ZNF805: variants seen among roughly 807,000 people sequenced by gnomAD.
ZNF805 encodes the protein CTC-444N24.8.
Under a neutral mutation model 13.6 loss-of-function variants are expected in ZNF805, and 7 were observed. The observed-to-expected ratio is 0.51, with a 90% CI of 0.29 to 0.97. The LOEUF is 0.97. Among genes scored for constraint, ZNF805 ranks in the 50% least tolerant of loss-of-function variants. The probability of loss-of-function intolerance (pLI) is 0.08; values close to 1 mark genes in which losing one functional copy is unlikely to be tolerated. For missense variants in ZNF805, 604 were observed against 771.0 expected (o/e 0.78, Z 2.57); for synonymous variants, 293 against 279.8 (o/e 1.05, Z -0.47).
chr19:57,253,783 A>C lies in ZNF805; in HGVS notation c.964A>C (p.Lys322Gln). 6.2e-7 allele frequency: 1 copy of C among 1,614,072 alleles called. No homozygotes were observed. Among genetic ancestry groups the C allele is most frequent in the Non-Finnish European group, 8.5e-7 (1 of 1,180,018 alleles). The change falls in exon 4 of 4, where the codon AAA becomes CAA. Residue 322 changes from lysine to glutamine, a missense_variant. Physicochemically the swap from Lys to Gln is moderately conservative, Grantham distance 53 (BLOSUM62 1). Transcript: ENST00000414468. This position sits in a 1 kb window ranked among gnomAD's most constrained non-coding sequence, Gnocchi z 4.4. ...EKPFVCKECG[K>Q]AFRDRPGFIR... is the part of the protein sequence containing the mutation. ...ACCCTTTGTGTGCAAAGAGTGTGGC[A>C]AAGCCTTTCGAGATAGGCCAGGTTT...
chr19:57,252,929 T>TCC, intron 3 of ZNF805, 144 bp from the exon 4 acceptor site: 1 of 658,620 alleles, frequency 1.5e-6, no homozygotes, highest in Non-Finnish European at 2.2e-6. Context: ...AAGAAACAAA[T>TCC]TATAGATCTG....
At position 57,258,784 on chromosome 19, in the gene ZNF805, T is replaced by C. The variant is rs191367984; in HGVS notation, c.*4081T>C. 2.0e-4 allele frequency among the ~76,000 whole-genome samples: 30 copies of C among 152,336 alleles called. No individual in the cohort carries two copies. The highest frequency in any genetic ancestry group is 1.9e-3 in the Admixed American group (29 of 15,306). On this transcript the variant is annotated 3_prime_UTR_variant, in exon 4 of 4. Coordinates refer to ENST00000414468, the MANE Select transcript of ZNF805 (RefSeq NM_001023563.4). ...TTGTTGATCTCTTTACCCATTCCAC[T>C]ATTCTTTCTTGAAATTCTAAGCCAC...
chr19:57,244,851 C>T (rs968823703), intron 2 of ZNF805, among the ~76,000 whole-genome samples: 2 of 152,186 alleles, frequency 1.3e-5, no homozygotes, highest in African/African-American at 4.8e-5. Flanking sequence ...TCTCTGGCCT[C>T]TGTGGGGCGT....
At chr19:57,245,704 A>T (rs2361125) in intron 2 of ZNF805, among the ~76,000 whole-genome samples, 1 of 150,442 alleles carries the variant, frequency 6.6e-6, no homozygotes, top group East Asian at 2.0e-4. Flanking sequence ...GCGTGAACCC[A>T]GGAGGCGGAG....
rs1189116781 is a variant in ZNF805 at position 57,242,183 on chromosome 19, T to G, written c.30+1262T>G. On this transcript the variant is annotated intron_variant, in intron 1 of 3. Transcript: ENST00000414468. ...TTACCTGCTGAAAGTCACATAGCACTTAAGTAACAAACTCATATTTAGCGT... is the reference window on the plus strand; with the variant it reads ...TTACCTGCTGAAAGTCACATAGCACGTAAGTAACAAACTCATATTTAGCGT... 3.3e-5 allele frequency among the ~76,000 whole-genome samples: 5 copies of G among 152,374 alleles called. No homozygotes were observed. In the East Asian group the frequency reaches 9.6e-4, roughly 29 times the overall value.
At position 57,253,534 on chromosome 19, in the gene ZNF805, A is replaced by G; in HGVS notation, c.715A>G (p.Thr239Ala). 6.2e-7 allele frequency: 1 copy of G among 1,612,814 alleles called. No homozygotes were observed. Among genetic ancestry groups the G allele is most frequent in the Non-Finnish European group, 8.5e-7 (1 of 1,179,410 alleles). Residue 239 changes from threonine (T) to alanine (A), a missense_variant, in exon 4 of 4, where the codon ACC becomes GCC. By Grantham distance (58) the Thr-to-Ala change is moderately conservative. Transcript: ENST00000414468. The surrounding 1 kb of genome is among the most constrained non-coding windows in gnomAD (Gnocchi z 4.4). ...KPYECTECGK[T>A]FSKSTYLLQH... is the part of the protein sequence containing the mutation. Reference sequence around the variant, plus strand: ...CTATGAATGCACAGAGTGTGGAAAAACCTTTAGCAAGAGTACATACCTCCT... The same window carrying G: ...CTATGAATGCACAGAGTGTGGAAAAGCCTTTAGCAAGAGTACATACCTCCT...
rs1385949472 is a variant in ZNF805 at position 57,255,410 on chromosome 19, T to A, written c.*707T>A. Among the ~76,000 whole-genome samples the A allele has an allele frequency of 1.3e-5, 2 of 152,190 alleles. No homozygotes were observed. The highest frequency in any genetic ancestry group is 2.9e-5 in the Non-Finnish European group (2 of 67,996). ...GTTTTTCAAATATTCTTGCTTGGAT[T>A]TTGATAGAAATTGAGTTAAATCTAT... On this transcript the variant is annotated 3_prime_UTR_variant, in exon 4 of 4. Coordinates refer to ENST00000414468, the MANE Select transcript of ZNF805 (RefSeq NM_001023563.4).
At chr19:57,245,605 CT>C (rs1402076809) in intron 2 of ZNF805, among the ~76,000 whole-genome samples, 22 of 148,696 alleles carry the variant, frequency 1.5e-4, no homozygotes, top group Middle Eastern at 3.5e-3. Flanking sequence ...CGGTGCAACC[CT>C]GTCTCTACTA....
rs1372141659 is a variant in ZNF805, at chr19:57,258,605, C to T, written c.*3902C>T. Among the ~76,000 whole-genome samples, 1 of 140,516 alleles carries T rather than the reference C, an allele frequency of 7.1e-6. No individual in the cohort carries two copies. Among genetic ancestry groups the T allele is most frequent in the Non-Finnish European group, 1.6e-5 (1 of 62,728 alleles). 92.2% of individuals were successfully genotyped at this position (140,516 alleles called of 152,430 possible). ...AGTTAATGGTATGAAAAATTTAGCA[C>T]TTTGATGTATAGAAACCTTACTTGG... On this transcript the variant is annotated 3_prime_UTR_variant, in exon 4 of 4. Coordinates refer to ENST00000414468, the MANE Select transcript of ZNF805 (RefSeq NM_001023563.4).
In ZNF805 at chr19:57,253,725, T is replaced by G. The variant is rs768774744; in HGVS notation, c.906T>G (p.Phe302Leu). The change falls in exon 4 of 4, where the codon TTT becomes TTG. Residue 302 changes from phenylalanine to leucine, a missense_variant. Physicochemically the swap from Phe to Leu is conservative, Grantham distance 22. This residue lies in a region of ZNF805 where 327 missense variants were observed against 378.2 expected (regional missense o/e 0.86). Coordinates refer to ENST00000414468, the MANE Select transcript of ZNF805 (RefSeq NM_001023563.4). This position sits in a 1 kb window ranked among gnomAD's most constrained non-coding sequence, Gnocchi z 4.4. ...AGGCCTTCACCCACCGCTCCACTTT[T>G]GTCTTGCATAACAGGAGCCACACTG... ...CGKAFTHRST[F>L]VLHNRSHTGE... The G allele has an allele frequency of 6.2e-7, 1 of 1,610,674 alleles. No homozygotes were observed. The highest frequency in any genetic ancestry group is 8.5e-7 in the Non-Finnish European group (1 of 1,178,864).
In ZNF805 at chr19:57,253,467, C is replaced by T. The variant is rs775465919; in HGVS notation, c.648C>T (p.Arg216=). The T allele has an allele frequency of 6.3e-7, 1 of 1,594,034 alleles. No individual in the cohort carries two copies. The highest frequency in any genetic ancestry group is 8.6e-7 in the Non-Finnish European group (1 of 1,169,474). The change falls in exon 4 of 4, where the codon CGC becomes CGT. Residue 216 remains arginine (R), a synonymous_variant. Coordinates refer to ENST00000414468, the MANE Select transcript of ZNF805 (RefSeq NM_001023563.4). This position sits in a 1 kb window ranked among gnomAD's most constrained non-coding sequence, Gnocchi z 4.4. The part of the protein sequence containing the change: ...NECEKVFNKK[R]LLARHERIHS... ...GTGAAAAAGTGTTTAACAAGAAACGCCTGCTTGCTCGGCATGAGAGGATTC... is the reference window on the plus strand; with the variant it reads ...GTGAAAAAGTGTTTAACAAGAAACGTCTGCTTGCTCGGCATGAGAGGATTC...
rs1369421932 is a variant in ZNF805 at position 57,261,566 on chromosome 19, G to T, written c.*6863G>T. The T allele has an allele frequency of 6.0e-6, 1 of 166,890 alleles. No homozygotes were observed. Among genetic ancestry groups the T allele is most frequent in the Non-Finnish European group, 1.5e-5 (1 of 68,090 alleles). 10.3% of individuals were successfully genotyped at this position (166,890 alleles called of 1,614,324 possible). A position where few individuals can be genotyped will look rare whatever the true frequency, so the allele number is the denominator to read the frequency against. On this transcript the variant is annotated 3_prime_UTR_variant, in exon 4 of 4. Coordinates refer to ENST00000414468, the MANE Select transcript of ZNF805 (RefSeq NM_001023563.4). ...GTTGGTAAATGGCCATACACAGCAGGGTATTTTTTATTATTATTTTCAGTT... is the reference window on the plus strand; with the variant it reads ...GTTGGTAAATGGCCATACACAGCAGTGTATTTTTTATTATTATTTTCAGTT...
At chr19:57,244,539 A>G (rs1015271422) in intron 2 of ZNF805, among the ~76,000 whole-genome samples, 3 of 152,022 alleles carry the variant, frequency 2.0e-5, no homozygotes, top group African/African-American at 4.8e-5. Flanking sequence ...TACAGTCTCC[A>G]TGCATCGCTT....
At position 57,255,578 on chromosome 19, in the gene ZNF805, T is replaced by C. The variant is rs2087682916; in HGVS notation, c.*875T>C. Among the ~76,000 whole-genome samples, 1 of 152,180 alleles carries C rather than the reference T, an allele frequency of 6.6e-6. No homozygotes were observed. The highest frequency in any genetic ancestry group is 6.5e-5 in the Admixed American group (1 of 15,268). ...AACTCCTGCACATTTAAAATAAGAA[T>C]TATAGCTGCATAGTTTTTTGAGTGA... On this transcript the variant is annotated 3_prime_UTR_variant, in exon 4 of 4. Transcript: ENST00000414468.
chr19:57,249,199 T>G lies in ZNF805; in HGVS notation c.253+499T>G, dbSNP rs187012636. On this transcript the variant is annotated intron_variant, in intron 3 of 3. Coordinates refer to ENST00000414468, the MANE Select transcript of ZNF805 (RefSeq NM_001023563.4). ...CTGACATCTTCTTGCTGGTAGAGAA[T>G]TAAGGGAATAAGGAAAGTCATACCC... Among the ~76,000 whole-genome samples the G allele has an allele frequency of 1.1e-3, 163 of 152,162 alleles. 1 individual carries two copies. Among genetic ancestry groups the G allele is most frequent in the Non-Finnish European group, 1.7e-3 (119 of 68,004 alleles).
rs543460053 is a variant in ZNF805, at chr19:57,251,506, A to G, written c.254-1567A>G. Among the ~76,000 whole-genome samples the G allele has an allele frequency of 5.3e-5, 8 of 152,242 alleles. No individual in the cohort carries two copies. In the South Asian group the frequency reaches 1.7e-3, roughly 32 times the overall value. On this transcript the variant is annotated intron_variant, in intron 3 of 3. Transcript: ENST00000414468. ...CTTTTTGATTTTATTTTTGTACATT[A>G]TAGATACCTATCTTTTATCAGTTAC...
intron 1 of ZNF805, among the ~76,000 whole-genome samples, chr19:57,241,525 C>G (rs548942300): frequency 6.6e-6 from 1 of 152,284 alleles, no homozygotes; most frequent in Admixed American, 6.5e-5. Flanking sequence ...TCCAGGGACT[C>G]CCGTCACACA....
rs560396350 is a variant in ZNF805 at position 57,253,851 on chromosome 19, G to A, written c.1032G>A (p.Glu344=). The A allele has an allele frequency of 6.2e-7, 1 of 1,614,140 alleles. No homozygotes were observed. The highest frequency in any genetic ancestry group is 2.2e-5 in the East Asian group (1 of 44,868). The change falls in exon 4 of 4, where the codon GAG becomes GAA. Residue 344 remains glutamate (E), a synonymous_variant. Coordinates refer to ENST00000414468, the MANE Select transcript of ZNF805 (RefSeq NM_001023563.4). The surrounding 1 kb of genome is among the most constrained non-coding windows in gnomAD (Gnocchi z 4.4). ...TCCACAGTGGTGAGAATCCCTACGA[G>A]TGCTTCGAATGTGGCAAGGTCTTCA... ...YIIHSGENPY[E]CFECGKVFKH... is the part of the protein sequence containing the mutation.
intron 3 of ZNF805, among the ~76,000 whole-genome samples, chr19:57,252,208 C>T (rs2087656132): frequency 6.6e-6 from 1 of 152,148 alleles, no homozygotes; most frequent in East Asian, 1.9e-4. Context: ...CACTGGGTAC[C>T]TTCTATTGGA....
Sources: allele counts gnomAD v4.1 joint callset (sites outside exome capture counted in the v4.1 genomes callset), GRCh38; gene constraint gnomAD v4.1.1; regional missense constraint gnomAD v4.1.1; non-coding constraint Gnocchi (gnomAD v3.1); transcripts MANE v1.5; gene names NCBI Gene and HGNC (gene_info 2026-07-23, HGNC 2026-07-21).